WDR36: variants seen among roughly 807,000 people sequenced by gnomAD.
WDR36 encodes the protein WD repeat domain 36.
WDR36 carries 63 observed loss-of-function variants against 112.7 expected under a neutral mutation model. The ratio of observed to expected loss-of-function variants is 0.56; its 90% CI spans 0.46 to 0.69. The LOEUF is 0.69. Among genes scored for constraint, WDR36 ranks in the 30% least tolerant of loss-of-function variants. WDR36 has a pLI of 0.00. For synonymous variants in WDR36, 410 were observed against 362.2 expected (o/e 1.13, Z -1.50); for missense variants, 1,226 against 1,070.3 (o/e 1.15, Z -2.03).
rs1222409170 is a variant in WDR36, at chr5:111,103,834, A to T, written c.646A>T (p.Ile216Phe). Residue 216 changes from isoleucine (I) to phenylalanine (F), a missense_variant, in exon 7 of 23, where the codon ATC (isoleucine) becomes TTC (phenylalanine). By Grantham distance (21) the Ile-to-Phe change is conservative (BLOSUM62 0). Coordinates refer to ENST00000513710, the MANE Select transcript of WDR36 (RefSeq NM_139281.3). ...VAIGLMSGQVIIHNIKFNETL... is the reference protein window; with the variant it reads ...VAIGLMSGQVFIHNIKFNETL... ...TATTGGTCTTATGTCAGGTCAAGTT[A>T]TCATTCACAACATTAAATTTAATGA... The T allele has an allele frequency of 1.2e-6, 2 of 1,611,286 alleles. No homozygotes were observed. Among genetic ancestry groups the T allele is most frequent in the African/African-American group, 2.7e-5 (2 of 74,772 alleles).
At chr5:111,119,201 A>G (rs1015844881) in intron 17 of WDR36, 81 bp downstream of exon 17, 31 of 1,143,096 alleles carry the variant, frequency 2.7e-5, no homozygotes, top group Non-Finnish European at 4.0e-5. Context: ...ATTGTCATTT[A>G]GGCTGTTTTT....
intron 6 of WDR36, among the ~76,000 whole-genome samples, chr5:111,102,934 A>G (rs1029038629): frequency 6.6e-6 from 1 of 151,670 alleles, no homozygotes; most frequent in African/African-American, 2.4e-5. Context: ...TGTAGCCACT[A>G]TACCCTTATC....
intron 12 of WDR36, among the ~76,000 whole-genome samples, chr5:111,107,983 C>T (rs946300431): frequency 4.0e-5 from 6 of 150,992 alleles, no homozygotes; most frequent in Admixed American, 1.3e-4. Context: ...CTTGCATTTC[C>T]GTATGGATTT....
intron 17 of WDR36, among the ~76,000 whole-genome samples, chr5:111,119,758 T>A (rs1462161857): frequency 6.6e-6 from 1 of 152,114 alleles, no homozygotes; most frequent in African/African-American, 2.4e-5. Flanking sequence ...CATTTGAAGA[T>A]ACAAAGGGAA....
intron 11 of WDR36, among the ~76,000 whole-genome samples, chr5:111,106,450 A>G (rs368830015): frequency 2.6e-5 from 4 of 151,626 alleles, no homozygotes; most frequent in East Asian, 3.9e-4. Context: ...AAGAACTGGA[A>G]CAGCAGAGTA....
chr5:111,121,020 T>C lies in WDR36; in HGVS notation c.2027T>C (p.Val676Ala). The change falls in exon 19 of 23, where the codon GTA becomes GCA. Residue 676 changes from valine (V) to alanine (A), a missense_variant. Coordinates refer to ENST00000513710, the MANE Select transcript of WDR36 (RefSeq NM_139281.3). ...TQDVEVSEETVEPSDELIEYD... is the reference protein window; with the variant it reads ...TQDVEVSEETAEPSDELIEYD... ...GATGTAGAAGTATCAGAAGAAACAG[T>C]AGAACCAAGTGATGAATTGATAGAA... is the stretch of plus-strand genomic sequence containing the variant. 3 of 1,613,414 alleles carry C rather than the reference T, an allele frequency of 1.9e-6. No individual in the cohort carries two copies. The highest frequency in any genetic ancestry group is 2.5e-6 in the Non-Finnish European group (3 of 1,179,544).
intron 12 of WDR36, among the ~76,000 whole-genome samples, chr5:111,107,839 T>TC (rs1753249854): frequency 6.6e-6 from 1 of 151,458 alleles, no homozygotes; most frequent in African/African-American, 2.4e-5. Flanking sequence ...CTTCCATTGA[T>TC]CTGTATGTCT....
In WDR36 at chr5:111,092,468, C is replaced by G; in HGVS notation, c.12C>G (p.Ala4=). The G allele has an allele frequency of 6.2e-7, 1 of 1,614,234 alleles. No homozygotes were observed. The highest frequency in any genetic ancestry group is 8.5e-7 in the Non-Finnish European group (1 of 1,180,050). The change falls in exon 1 of 23, where the codon GCC becomes GCG. Residue 4 remains alanine (A), a synonymous_variant. Coordinates refer to ENST00000513710, the MANE Select transcript of WDR36 (RefSeq NM_139281.3). MER[A]SERRTASALF... ...GGATCGCGGCGGCAATGGAACGGGC[C>G]TCAGAAAGGCGCACGGCCAGCGCGC...
At chr5:111,107,552 T>G in intron 12 of WDR36, 113 bp downstream of exon 12, 1 of 1,415,656 alleles carries the variant, frequency 7.1e-7, no homozygotes, top group Non-Finnish European at 9.6e-7. Flanking sequence ...GTTTAACATT[T>G]TAAAGCATTG....
rs576642725 is a variant in WDR36 at position 111,112,690 on chromosome 5, AAG to A, written c.1717-380_1717-379del. 2.4e-4 allele frequency among the ~76,000 whole-genome samples: 37 copies of A among 152,142 alleles called. No homozygotes were observed. In the East Asian group the frequency reaches 5.4e-3, roughly 22 times the overall value. ...TTGTTTAGAAATAAAGCATTATTAA[AAG>A]AGAAAAGATTTTTAACTTAAGCTTC... is the stretch of plus-strand genomic sequence containing the variant. On this transcript the variant is annotated intron_variant, in intron 15 of 22. Transcript: ENST00000513710.
chr5:111,122,327 A>G (rs1043831410), intron 19 of WDR36, among the ~76,000 whole-genome samples: 2 of 152,244 alleles, frequency 1.3e-5, no homozygotes, highest in Non-Finnish European at 2.9e-5. Flanking sequence ...TATAGTTTAT[A>G]CTGCATAAAA....
intron 19 of WDR36, among the ~76,000 whole-genome samples, chr5:111,123,339 T>C (rs1394959991): frequency 6.6e-6 from 1 of 152,220 alleles, no homozygotes; most frequent in Non-Finnish European, 1.5e-5. Context: ...ATTATCAAAT[T>C]ACTTATAATG....
chr5:111,099,427 T>TA (rs1235998890), intron 4 of WDR36, among the ~76,000 whole-genome samples: 2 of 150,752 alleles, frequency 1.3e-5, no homozygotes, highest in African/African-American at 4.9e-5. Flanking sequence ...ATTTTTAGCT[T>TA]ATATTGCCTC....
intron 12 of WDR36, among the ~76,000 whole-genome samples, chr5:111,109,544 C>A (rs1753285468): frequency 6.6e-6 from 1 of 151,218 alleles, no homozygotes; most frequent in Non-Finnish European, 1.5e-5. Context: ...ATCTGACTGA[C>A]ACACATTGGC....
chr5:111,128,951 T>C lies in WDR36; in HGVS notation c.*2068T>C, dbSNP rs2093725545. 1.0e-5 allele frequency: 2 copies of C among 192,916 alleles called. No homozygotes were observed. The highest frequency in any genetic ancestry group is 8.2e-5 in the East Asian group (1 of 12,210). The allele number at this position is 192,916 out of a possible 1,614,324, so 12.0% of individuals were successfully genotyped here. Reference sequence around the variant, plus strand: ...CTCTCCTAGATCTTCTTTTAGAGTGTTTTTATGAGTGTTTAATGTAGGAAT... The same window carrying C: ...CTCTCCTAGATCTTCTTTTAGAGTGCTTTTATGAGTGTTTAATGTAGGAAT... On this transcript the variant is annotated 3_prime_UTR_variant, in exon 23 of 23. Transcript: ENST00000513710.
At chr5:111,114,596 CTT>C (rs893817350) in intron 16 of WDR36, among the ~76,000 whole-genome samples, 1 of 152,140 alleles carries the variant, frequency 6.6e-6, no homozygotes, top group African/African-American at 2.4e-5. Context: ...AGGTTTGTCT[CTT>C]TCACTTAAAA....
At chr5:111,103,483 A>G (rs1285775506) in intron 6 of WDR36, among the ~76,000 whole-genome samples, 1 of 151,722 alleles carries the variant, frequency 6.6e-6, no homozygotes, top group Admixed American at 6.6e-5. Context: ...TTTTATACAT[A>G]GCTTTCTTTT....
Position 111,127,924 on chromosome 5 carries a change from T to A in WDR36, c.*1041T>A. ...GTTTTTTTTATTTTGTTTTGTTTTG[T>A]TTTTTTTTTTTTTTTTTTGGCTACA... On this transcript the variant is annotated 3_prime_UTR_variant, in exon 23 of 23. Coordinates refer to ENST00000513710, the MANE Select transcript of WDR36 (RefSeq NM_139281.3). The A allele has an allele frequency of 9.2e-6, 1 of 109,184 alleles. No individual in the cohort carries two copies. Among genetic ancestry groups the A allele is most frequent in the East Asian group, 1.9e-4 (1 of 5,164 alleles). The allele number at this position is 109,184 out of a possible 1,614,324, so 6.8% of individuals were successfully genotyped here.
chr5:111,121,006 A>G lies in WDR36; in HGVS notation c.2013A>G (p.Val671=). The G allele has an allele frequency of 1.2e-6, 2 of 1,612,442 alleles. No individual in the cohort carries two copies. The highest frequency in any genetic ancestry group is 1.7e-6 in the Non-Finnish European group (2 of 1,179,096). ...PGTCQTQDVE[V]SEETVEPSDE... is the part of the protein sequence containing the mutation. ...AAAAATTTTTTTAAGATGTAGAAGT[A>G]TCAGAAGAAACAGTAGAACCAAGTG... is the stretch of plus-strand genomic sequence containing the variant. The change falls in exon 19 of 23, where the codon GTA becomes GTG. Residue 671 remains valine (V), a synonymous_variant. Coordinates refer to ENST00000513710, the MANE Select transcript of WDR36 (RefSeq NM_139281.3).
Sources: gnomAD v4.1 joint callset for allele counts (sites outside exome capture counted in the v4.1 genomes callset) on GRCh38, gnomAD v4.1.1 for gene constraint, MANE v1.5 for transcripts, NCBI Gene and HGNC (gene_info 2026-07-23, HGNC 2026-07-21) for gene names.